PTPRD: variants seen among roughly 807,000 people sequenced by gnomAD.
PTPRD encodes receptor-type tyrosine-protein phosphatase delta.
A neutral mutation model predicts 214.5 loss-of-function variants in PTPRD; 34 were observed. That is an observed-to-expected ratio of 0.16 (90% confidence interval 0.12 to 0.21). The LOEUF (loss-of-function observed/expected upper bound fraction) is 0.21, where lower values mean the gene tolerates loss of function less well. Among genes scored for constraint, PTPRD ranks in the 10% least tolerant of loss-of-function variants. The pLI is 1.00. For missense variants in PTPRD, 2,545 were observed against 2,398.7 expected (o/e 1.06, Z -1.27); for synonymous variants, 1,128 against 845.7 (o/e 1.33, Z -5.79).
Position 9,208,020 on chromosome 9 carries a change from C to CTTT in PTPRD, c.-202-24660_-202-24658dup, listed in dbSNP as rs749709602. On this transcript the variant is annotated intron_variant, in intron 9 of 45. Coordinates refer to ENST00000381196, the MANE Select transcript of PTPRD (RefSeq NM_002839.4). ...TGGTATGGCTATTCATATATATCTG[C>CTTT]TTTTTTTTTTTTTTTTTGAGACAGA... 2.2e-3 allele frequency among the ~76,000 whole-genome samples: 115 copies of CTTT among 53,268 alleles called. 33 individuals are homozygous for CTTT. Among genetic ancestry groups the CTTT allele is most frequent in the South Asian group, 9.7e-3 (8 of 822 alleles). The allele number at this position is 53,268 out of a possible 152,430, so 34.9% of individuals were successfully genotyped here.
At chr9:10,363,043 C>G (rs2146839) in intron 2 of PTPRD, among the ~76,000 whole-genome samples, 101,232 of 152,044 alleles carry the variant, frequency 0.67, 34,529 homozygotes, top group African/African-American at 0.74. Context: ...CAGTGAAGTA[C>G]AGCTGGAAAG....
At chr9:10,579,583 G>T (rs1050696353) in intron 2 of PTPRD, among the ~76,000 whole-genome samples, 1 of 152,108 alleles carries the variant, frequency 6.6e-6, no homozygotes, top group Non-Finnish European at 1.5e-5. Flanking sequence ...ACATATAAGC[G>T]CATGAGTGTT....
At chr9:9,525,142 C>T (rs2073817432) in intron 8 of PTPRD, among the ~76,000 whole-genome samples, 2 of 152,220 alleles carry the variant, frequency 1.3e-5, no homozygotes, top group Admixed American at 6.5e-5. Context: ...CAGGCGTGAG[C>T]CACCGCCCGG....
intron 12 of PTPRD, among the ~76,000 whole-genome samples, chr9:8,729,131 C>T (rs1403461613): frequency 1.3e-5 from 2 of 152,158 alleles, no homozygotes; most frequent in African/African-American, 4.8e-5. Context: ...TTCTATAGTT[C>T]CTTCCTGTGA....
At chr9:8,625,421 T>C (rs1245514564) in intron 14 of PTPRD, among the ~76,000 whole-genome samples, 1 of 151,960 alleles carries the variant, frequency 6.6e-6, no homozygotes, top group Non-Finnish European at 1.5e-5. Flanking sequence ...GAAAGAACTA[T>C]GTATGCCGAT....
chr9:8,538,459 C>T (rs1014032264), intron 14 of PTPRD, among the ~76,000 whole-genome samples: 2 of 151,456 alleles, frequency 1.3e-5, no homozygotes, highest in African/African-American at 4.8e-5. Context: ...AGAAAACATT[C>T]AATGTGGTTT....
chr9:10,176,175 C>G (rs548953151), intron 3 of PTPRD, among the ~76,000 whole-genome samples: 8 of 151,738 alleles, frequency 5.3e-5, no homozygotes, highest in Non-Finnish European at 1.2e-4. Context: ...TTGTATTAAC[C>G]TTTTAATATT....
intron 5 of PTPRD, among the ~76,000 whole-genome samples, chr9:9,865,337 C>T (rs1045216384): frequency 2.0e-5 from 3 of 152,142 alleles, no homozygotes; most frequent in Admixed American, 2.0e-4. Context: ...GAGAGCTCTG[C>T]CATCATGGAT....
At chr9:9,592,927 C>G (rs1350813466) in intron 7 of PTPRD, among the ~76,000 whole-genome samples, 1 of 151,930 alleles carries the variant, frequency 6.6e-6, no homozygotes, top group African/African-American at 2.4e-5. Context: ...CACCTGTAGT[C>G]CCAGCTACCT....
intron 2 of PTPRD, among the ~76,000 whole-genome samples, chr9:10,362,571 G>A (rs1002262314): frequency 6.6e-6 from 1 of 152,036 alleles, no homozygotes; most frequent in African/African-American, 2.4e-5. Context: ...ACAATCGAGT[G>A]ATAACAGCTG....
chr9:10,534,855 A>T (rs1277000995), intron 2 of PTPRD, among the ~76,000 whole-genome samples: 1 of 152,216 alleles, frequency 6.6e-6, no homozygotes, highest in African/African-American at 2.4e-5. Context: ...GTTTTCTGAC[A>T]CTGACTGTGC....
chr9:10,160,823 A>T (rs2154288559), intron 3 of PTPRD, among the ~76,000 whole-genome samples: 1 of 152,000 alleles, frequency 6.6e-6, no homozygotes, highest in South Asian at 2.1e-4. Context: ...ACCTAGAAAA[A>T]CCTGAAGACA....
At chr9:9,800,597 G>A (rs1218991465) in intron 5 of PTPRD, 2 of 152,154 alleles carry the variant, frequency 1.3e-5, no homozygotes, top group Non-Finnish European at 2.9e-5. Context: ...AACAAAGGAA[G>A]GATCATTGTC....
intron 7 of PTPRD, among the ~76,000 whole-genome samples, chr9:9,697,715 G>A (rs1450313969): frequency 6.6e-6 from 1 of 152,102 alleles, no homozygotes. Flanking sequence ...TATTTATATA[G>A]TGTTTTTGAA....
At position 8,422,094 on chromosome 9, in the gene PTPRD, C is replaced by A. The variant is rs551244440; in HGVS notation, c.4086+14498G>T. ...CTGTGGAGGCAGAGGCTGCCGTGAA[C>A]CCTGATGGTGCCACTGCACTTCAGC... is the stretch of plus-strand genomic sequence containing the variant. On this transcript the variant is annotated intron_variant, in intron 35 of 45. Transcript: ENST00000381196. Among the ~76,000 whole-genome samples, 8 of 132,698 alleles carry A rather than the reference C, an allele frequency of 6.0e-5. No individual in the cohort carries two copies. The East Asian group carries it at 1.5e-3, about 25-fold the overall frequency. The allele number at this position is 132,698 out of a possible 152,430, so 87.1% of individuals were successfully genotyped here. A position where few individuals can be genotyped will look rare whatever the true frequency, so the allele number is the denominator to read the frequency against.
chr9:10,302,302 C>G (rs1424144081), intron 3 of PTPRD, among the ~76,000 whole-genome samples: 1 of 152,210 alleles, frequency 6.6e-6, no homozygotes, highest in Non-Finnish European at 1.5e-5. Context: ...GTACCAGCCA[C>G]TGCAAAAACA....
At chr9:8,546,780 C>T (rs553939976) in intron 14 of PTPRD, among the ~76,000 whole-genome samples, 1 of 152,270 alleles carries the variant, frequency 6.6e-6, no homozygotes, top group Admixed American at 6.5e-5. Context: ...GGATTCCAGG[C>T]GTGAGCCACC....
intron 3 of PTPRD, among the ~76,000 whole-genome samples, chr9:10,105,407 A>G (rs1440526157): frequency 6.6e-6 from 1 of 151,896 alleles, no homozygotes; most frequent in Non-Finnish European, 1.5e-5. Context: ...CTACATTTAG[A>G]GAGGAATGTT....
chr9:9,140,637 G>A (rs559084331), intron 10 of PTPRD, among the ~76,000 whole-genome samples: 1 of 152,302 alleles, frequency 6.6e-6, no homozygotes, highest in South Asian at 2.1e-4. Flanking sequence ...GGAGTGCAGA[G>A]GCGCGATCTC....
Sources: allele counts gnomAD v4.1 joint callset (sites outside exome capture counted in the v4.1 genomes callset), GRCh38; gene constraint gnomAD v4.1.1; transcripts MANE v1.5; gene names NCBI Gene and HGNC (gene_info 2026-07-23, HGNC 2026-07-21).